The following VWC2 variants were observed in gnomAD, a reference collection of about 807,000 sequenced individuals.
VWC2 encodes brorin.
VWC2 carries 14 observed loss-of-function variants against 29.8 expected under a neutral mutation model. The observed-to-expected ratio is 0.47, with a 90% CI of 0.31 to 0.74. The LOEUF (loss-of-function observed/expected upper bound fraction) is 0.74. VWC2 is among the 30% of genes least tolerant of loss of function. The pLI is 0.05. For missense variants in VWC2, 457 were observed against 459.8 expected, an observed-to-expected ratio of 0.99 and a Z score of 0.05; for synonymous variants, 213 against 199.0, an observed-to-expected ratio of 1.07 and a Z score of -0.59.
intron 2 of VWC2, among the ~76,000 whole-genome samples, chr7:49,795,560 G>A (rs1412781633): frequency 6.6e-6 from 1 of 152,190 alleles, no homozygotes; most frequent in African/African-American, 2.4e-5. Context: ...TTCAAATAAT[G>A]ATCCCTCTCA....
intron 1 of VWC2, among the ~76,000 whole-genome samples, chr7:49,774,679 G>T (rs1788012895): frequency 6.6e-6 from 1 of 152,184 alleles, no homozygotes; most frequent in Admixed American, 6.5e-5. Flanking sequence ...GAAGCCCCGG[G>T]AATCCCCGAC....
rs142480854 is a variant in VWC2, at chr7:49,802,746, C to G, written c.732C>G (p.Asn244Lys). ...GCGAGAGGTGTCGCTGTGAAGCCAA[C>G]GGTGAGGTGCTATGCACAGTGTCAG... is the stretch of plus-strand genomic sequence containing the variant. ...SPCERCRCEANGEVLCTVSAC... is the reference protein window; with the variant it reads ...SPCERCRCEAKGEVLCTVSAC... The change falls in exon 3 of 4, where the codon AAC becomes AAG. Residue 244 changes from asparagine (N) to lysine (K), a missense_variant. Around this residue, in one of 2 missense-constraint regions of VWC2, gnomAD observed 185 missense variants for 257.1 expected, o/e 0.72. Coordinates refer to ENST00000340652, the MANE Select transcript of VWC2 (RefSeq NM_198570.5). 6.2e-7 allele frequency: 1 copy of G among 1,614,078 alleles called. No individual in the cohort carries two copies. Among genetic ancestry groups the G allele is most frequent in the Non-Finnish European group, 8.5e-7 (1 of 1,180,044 alleles).
At chr7:49,824,924 A>C (rs867178691) in intron 3 of VWC2, among the ~76,000 whole-genome samples, 2 of 152,064 alleles carry the variant, frequency 1.3e-5, no homozygotes, top group Admixed American at 1.3e-4. Context: ...TTTATTATTT[A>C]CTGAGTTATT....
Position 49,859,969 on chromosome 7 carries a change from A to C in VWC2, c.827-52065A>C, listed in dbSNP as rs977071955. ...ATATAAATGTGTTTACTTATGTATA[A>C]ATATATACTTATATTTATATACATA... On this transcript the variant is annotated intron_variant, in intron 3 of 3. Transcript: ENST00000340652. Among the ~76,000 whole-genome samples, 5 of 151,782 alleles carry C rather than the reference A, an allele frequency of 3.3e-5. No individual in the cohort carries two copies. The South Asian group carries it at 8.3e-4, about 25-fold the overall frequency.
chr7:49,793,393 A>G (rs980688988), intron 2 of VWC2, among the ~76,000 whole-genome samples: 1 of 151,684 alleles, frequency 6.6e-6, no homozygotes, highest in African/African-American at 2.4e-5. Flanking sequence ...CCTCTCATTC[A>G]TCCCATCCTG....
At chr7:49,867,863 T>C (rs1290001349) in intron 3 of VWC2, among the ~76,000 whole-genome samples, 1 of 151,844 alleles carries the variant, frequency 6.6e-6, no homozygotes, top group Non-Finnish European at 1.5e-5. Context: ...AGGTGGAGTC[T>C]TGCCCTGTTG....
chr7:49,911,480 CAAA>C (rs34782644), intron 3 of VWC2, among the ~76,000 whole-genome samples: 3 of 71,626 alleles, frequency 4.2e-5, no homozygotes, highest in Non-Finnish European at 2.5e-5. Flanking sequence ...GACTCTGTCT[CAAA>C]AAAAAAAAAA....
intron 3 of VWC2, among the ~76,000 whole-genome samples, chr7:49,865,958 T>G (rs1488118751): frequency 6.6e-6 from 1 of 152,244 alleles, no homozygotes; most frequent in Non-Finnish European, 1.5e-5. Context: ...CGGCACCATC[T>G]TAAATTGCTT....
intron 3 of VWC2, among the ~76,000 whole-genome samples, chr7:49,866,436 G>A (rs958560257): frequency 3.3e-5 from 5 of 152,200 alleles, no homozygotes; most frequent in Admixed American, 2.6e-4. Flanking sequence ...TCAGGCTTGC[G>A]AGTGCAGTAG....
At chr7:49,838,825 C>G (rs1384380124) in intron 3 of VWC2, among the ~76,000 whole-genome samples, 1 of 152,078 alleles carries the variant, frequency 6.6e-6, no homozygotes, top group Non-Finnish European at 1.5e-5. Flanking sequence ...GTACATTTTA[C>G]AAATCAGAAA....
chr7:49,782,969 G>C (rs574218377), intron 2 of VWC2, among the ~76,000 whole-genome samples: 1 of 152,280 alleles, frequency 6.6e-6, no homozygotes, highest in South Asian at 2.1e-4. Context: ...TCTGAACAAA[G>C]TTCATGTGGA....
chr7:49,819,450 A>C (rs1459692592), intron 3 of VWC2, among the ~76,000 whole-genome samples: 1 of 152,246 alleles, frequency 6.6e-6, no homozygotes, highest in Admixed American at 6.5e-5. Context: ...CATGAGGGAC[A>C]TGCAGCCAAA....
At chr7:49,866,619 C>G (rs1790903637) in intron 3 of VWC2, among the ~76,000 whole-genome samples, 1 of 152,218 alleles carries the variant, frequency 6.6e-6, no homozygotes, top group African/African-American at 2.4e-5. Context: ...GGATGAAATG[C>G]AACATCCTGT....
chr7:49,849,068 C>T (rs541022791), intron 3 of VWC2, among the ~76,000 whole-genome samples: 1 of 152,262 alleles, frequency 6.6e-6, no homozygotes, highest in South Asian at 2.1e-4. Context: ...TGTGTTGGTG[C>T]GCTTCCCTCG....
At chr7:49,811,175 C>T (rs1788997125) in intron 3 of VWC2, among the ~76,000 whole-genome samples, 1 of 152,112 alleles carries the variant, frequency 6.6e-6, no homozygotes, top group Non-Finnish European at 1.5e-5. Context: ...AAGAAGACAA[C>T]CTATTTAAAA....
At chr7:49,793,824 G>C (rs1467336943) in intron 2 of VWC2, among the ~76,000 whole-genome samples, 1 of 152,114 alleles carries the variant, frequency 6.6e-6, no homozygotes, top group Non-Finnish European at 1.5e-5. Context: ...AACTGAGAAG[G>C]GACACAGAGT....
chr7:49,828,205 C>CT (rs1277805048), intron 3 of VWC2, among the ~76,000 whole-genome samples: 1 of 151,962 alleles, frequency 6.6e-6, no homozygotes, highest in Non-Finnish European at 1.5e-5. Flanking sequence ...ATTTTGGTTC[C>CT]TTTTTTGGCT....
chr7:49,816,621 T>C (rs571965881), intron 3 of VWC2, among the ~76,000 whole-genome samples: 2 of 152,180 alleles, frequency 1.3e-5, no homozygotes, highest in Non-Finnish European at 2.9e-5. Context: ...TAAGTGCTTA[T>C]CTCATTCACT....
chr7:49,902,750 ATG>A (rs2128736958), intron 3 of VWC2, among the ~76,000 whole-genome samples: 1 of 152,192 alleles, frequency 6.6e-6, no homozygotes, highest in East Asian at 1.9e-4. Context: ...TAGAAAATTG[ATG>A]CATTTGATCG....
Sources: gnomAD v4.1 joint callset for allele counts (sites outside exome capture counted in the v4.1 genomes callset) on GRCh38, gnomAD v4.1.1 for gene constraint, gnomAD v4.1.1 regional missense constraint, MANE v1.5 for transcripts, NCBI Gene and HGNC (gene_info 2026-07-23, HGNC 2026-07-21) for gene names.